The following XPO7 variants were observed in gnomAD, a reference collection of about 807,000 sequenced individuals.
XPO7 encodes the protein exportin 7, also known as exportin-7.
A neutral mutation model predicts 144.3 loss-of-function variants in XPO7; 21 were observed. The observed-to-expected ratio is 0.15, with a 90% CI of 0.10 to 0.21. The LOEUF is 0.21. XPO7 is among the 10% of genes least tolerant of loss of function. XPO7 has a pLI of 1.00. For synonymous variants in XPO7, 580 were observed against 499.6 expected, an observed-to-expected ratio of 1.16 and a Z score of -2.15; for missense variants, 808 against 1,325.8, an observed-to-expected ratio of 0.61 and a Z score of 6.06.
intron 21 of XPO7, among the ~76,000 whole-genome samples, chr8:21,997,470 G>C (rs556666590): frequency 1.6e-4 from 24 of 152,300 alleles, no homozygotes; most frequent in African/African-American, 5.1e-4. Flanking sequence ...GATTCTGGTA[G>C]CCCTGCAAAG....
intron 1 of XPO7, among the ~76,000 whole-genome samples, chr8:21,960,121 G>A (rs1811676144): frequency 6.6e-6 from 1 of 152,232 alleles, no homozygotes; most frequent in Non-Finnish European, 1.5e-5. Flanking sequence ...ACTGGAGAGA[G>A]CCTGCCCAGG....
In XPO7 at chr8:21,969,385, T is replaced by A; in HGVS notation, c.166-98T>A. On this transcript the variant is annotated intron_variant, in intron 2 of 27. Coordinates refer to ENST00000252512, the MANE Select transcript of XPO7 (RefSeq NM_015024.5). ...GAGGATCAAATCTGCCAAAACTGAT[T>A]GCCTTTTCTTGAATCTGAGCAGAGA... The A allele has an allele frequency of 9.8e-6, 10 of 1,019,186 alleles. No individual in the cohort carries two copies. In the South Asian group the frequency reaches 1.5e-4, roughly 16 times the overall value. The allele number at this position is 1,019,186 out of a possible 1,614,324, so 63.1% of individuals were successfully genotyped here. A position where few individuals can be genotyped will look rare whatever the true frequency, so the allele number is the denominator to read the frequency against.
At chr8:21,997,845 G>C (rs576673236) in intron 21 of XPO7, among the ~76,000 whole-genome samples, 15 of 152,118 alleles carry the variant, frequency 9.9e-5, no homozygotes, top group South Asian at 6.2e-4. Flanking sequence ...TCAGTGTGGT[G>C]GGGGGGAGGA....
rs1813325463 is a variant in XPO7 at position 22,006,231 on chromosome 8, A to C, written c.*1143A>C. The C allele has an allele frequency of 6.6e-6, 1 of 152,192 alleles. No individual in the cohort carries two copies. Among genetic ancestry groups the C allele is most frequent in the Non-Finnish European group, 1.5e-5 (1 of 68,032 alleles). The allele number at this position is 152,192 out of a possible 1,614,324, so 9.4% of individuals were successfully genotyped here. ...TTCTCCCATCCCTTAAAAAATATAC[A>C]TTTTTATAAAATGAAAACCATAATA... On this transcript the variant is annotated 3_prime_UTR_variant, in exon 28 of 28. Coordinates refer to ENST00000252512, the MANE Select transcript of XPO7 (RefSeq NM_015024.5).
Position 21,976,521 on chromosome 8 carries a change from G to A in XPO7, c.763G>A (p.Ala255Thr). The A allele has an allele frequency of 6.2e-7, 1 of 1,609,442 alleles. No individual in the cohort carries two copies. ...GCAGATTCCCACCAGCTGGAGATCA[G>A]GTAACAGAACTTCCTCCACCTCAAA... ...TVQIPTSWRS[A>T]FLDSSTLQLF... Residue 255 changes from alanine (A) to threonine (T), a missense_variant and splice_region_variant, in exon 7 of 28, where the codon GCC (alanine) becomes ACC (threonine). Physicochemically the swap from Ala to Thr is moderately conservative, Grantham distance 58 (BLOSUM62 0). Transcript: ENST00000252512.
At chr8:21,920,531 G>A (rs2117226595) in intron 1 of XPO7, among the ~76,000 whole-genome samples, 1 of 152,300 alleles carries the variant, frequency 6.6e-6, no homozygotes, top group Admixed American at 6.5e-5. Context: ...GTTGGGTGCA[G>A]ACGTTGCTCG....
chr8:22,002,780 G>T (rs1049932094), intron 25 of XPO7, among the ~76,000 whole-genome samples: 1 of 145,260 alleles, frequency 6.9e-6, no homozygotes, highest in Non-Finnish European at 1.5e-5. Flanking sequence ...AGTAATTATT[G>T]AGATTTTAGC....
intron 1 of XPO7, among the ~76,000 whole-genome samples, chr8:21,957,803 G>A (rs118115798): frequency 6.6e-6 from 1 of 152,140 alleles, no homozygotes; most frequent in Non-Finnish European, 1.5e-5. Flanking sequence ...TTATAGGCAT[G>A]CACAACCATG....
At chr8:21,957,889 T>C (rs996910212) in intron 1 of XPO7, among the ~76,000 whole-genome samples, 24 of 152,188 alleles carry the variant, frequency 1.6e-4, no homozygotes, top group East Asian at 3.9e-4. Flanking sequence ...GTTTTTTTTT[T>C]CCCACTGCCA....
chr8:21,980,602 T>A (rs1812372878), intron 9 of XPO7, among the ~76,000 whole-genome samples: 1 of 151,986 alleles, frequency 6.6e-6, no homozygotes. Flanking sequence ...TGAAACCCTG[T>A]CTCTACTAAA....
At chr8:21,945,236 G>GC (rs71204527) in intron 1 of XPO7, among the ~76,000 whole-genome samples, 4 of 152,156 alleles carry the variant, frequency 2.6e-5, no homozygotes, top group African/African-American at 9.7e-5. Flanking sequence ...GGCGGGGGCT[G>GC]CCCCCCAAGG....
intron 2 of XPO7, among the ~76,000 whole-genome samples, chr8:21,967,754 A>G (rs1811932933): frequency 6.6e-6 from 1 of 152,204 alleles, no homozygotes; most frequent in African/African-American, 2.4e-5. Context: ...TGACCTTGAC[A>G]ATGAAATTAC....
chr8:21,950,331 A>T (rs1811325949), intron 1 of XPO7, among the ~76,000 whole-genome samples: 1 of 152,230 alleles, frequency 6.6e-6, no homozygotes, highest in Non-Finnish European at 1.5e-5. Flanking sequence ...TCAAAGAAAC[A>T]CCTGAAGGTT....
At chr8:22,002,349 C>T in intron 25 of XPO7, 77 bp downstream of exon 25, 1 of 1,507,006 alleles carries the variant, frequency 6.6e-7, no homozygotes, top group Non-Finnish European at 8.9e-7. Context: ...GGGGAGCCCA[C>T]ACACGATTAA....
chr8:21,977,680 G>T, intron 7 of XPO7, 90 bp from the exon 8 acceptor site: 1 of 1,180,382 alleles, frequency 8.5e-7, no homozygotes, highest in Non-Finnish European at 1.2e-6. Context: ...TAGGCAGAAG[G>T]ATGTGCTCCC....
chr8:21,978,350 T>C (rs1008819433), intron 8 of XPO7, among the ~76,000 whole-genome samples: 2 of 152,244 alleles, frequency 1.3e-5, no homozygotes, highest in African/African-American at 2.4e-5. Context: ...ATTCACGTTC[T>C]AAAATACTAT....
intron 19 of XPO7, among the ~76,000 whole-genome samples, chr8:21,992,594 G>T (rs546898446): frequency 5.5e-4 from 83 of 151,954 alleles, no homozygotes; most frequent in Non-Finnish European, 9.9e-4. Flanking sequence ...TCTTGCCCAG[G>T]CTGGAGTACA....
At chr8:21,969,364 A>G in intron 2 of XPO7, 119 bp from the exon 3 acceptor site, 2 of 812,138 alleles carry the variant, frequency 2.5e-6, no homozygotes, top group Admixed American at 2.6e-5. Flanking sequence ...AATCCAGAGG[A>G]TCAAATCTGC....
Position 21,946,746 on chromosome 8 carries a change from G to A in XPO7, c.19-20111G>A, listed in dbSNP as rs535417894. 4.7e-5 allele frequency among the ~76,000 whole-genome samples: 7 copies of A among 150,320 alleles called. No individual in the cohort carries two copies. The South Asian group carries it at 8.4e-4, about 18-fold the overall frequency. On this transcript the variant is annotated intron_variant, in intron 1 of 27. Coordinates refer to ENST00000252512, the MANE Select transcript of XPO7 (RefSeq NM_015024.5). ...CAGCCTCTGCCTCCTGGGTTCAAGC[G>A]ATTCTAAAACAGGATAAATTTTAAA...
Sources: gnomAD v4.1 joint callset for allele counts (sites outside exome capture counted in the v4.1 genomes callset) on GRCh38, gnomAD v4.1.1 for gene constraint, MANE v1.5 for transcripts, NCBI Gene and HGNC (gene_info 2026-07-23, HGNC 2026-07-21) for gene names.